Variants in ABCD2 observed in about 807,000 individuals in gnomAD.
ABCD2 encodes ATP-binding cassette sub-family D member 2.
ABCD2 carries 36 observed loss-of-function variants against 70.9 expected under a neutral mutation model. The ratio of observed to expected loss-of-function variants is 0.51; its 90% CI spans 0.39 to 0.67. The LOEUF is 0.67. Ranked by LOEUF, ABCD2 falls within the 30% of genes least tolerant of loss-of-function variation. The pLI is 0.00. For missense variants in ABCD2, 729 were observed against 890.2 expected (o/e 0.82, Z 2.30); for synonymous variants, 304 against 306.9 (o/e 0.99, Z 0.10).
At chr12:39,538,170 TC>T in the ABCD2 span, among the ~76,000 whole-genome samples, 216 of 148,250 alleles carry the variant, frequency 1.5e-3, 11 homozygotes, top group African/African-American at 4.5e-3. Flanking sequence ...TTTCTTTCTT[TC>T]TTTTTTTTTT....
At position 39,586,074 on chromosome 12, in the gene ABCD2, A is replaced by G. The variant is rs1232246286; in HGVS notation, c.1792+78T>C. ...CGATTATAGCATACATTCAAATTAAACCACAGACTAAATATATACCCAAGC... is the reference window on the plus strand; with the variant it reads ...CGATTATAGCATACATTCAAATTAAGCCACAGACTAAATATATACCCAAGC... On this transcript the variant is annotated intron_variant, in intron 7 of 9. Coordinates refer to ENST00000308666, the MANE Select transcript of ABCD2 (RefSeq NM_005164.4). The G allele has an allele frequency of 2.6e-5, 35 of 1,330,022 alleles. No homozygotes were observed. The South Asian group carries it at 5.4e-4, about 20-fold the overall frequency. 82.4% of individuals were successfully genotyped at this position (1,330,022 alleles called of 1,614,324 possible). A position where few individuals can be genotyped will look rare whatever the true frequency, so the allele number is the denominator to read the frequency against.
In ABCD2 at chr12:39,551,981, G is replaced by C. The variant is rs1324232445; in HGVS notation, c.*1931C>G. On this transcript the variant is annotated 3_prime_UTR_variant, in exon 10 of 10. Coordinates refer to ENST00000308666, the MANE Select transcript of ABCD2 (RefSeq NM_005164.4). ...TTTTGCCCTTGTAGCAGTATAAACTGGATAATCACTTATGTAGAAAAGATT... is the reference window on the plus strand; with the variant it reads ...TTTTGCCCTTGTAGCAGTATAAACTCGATAATCACTTATGTAGAAAAGATT... 6.6e-6 allele frequency: 1 copy of C among 151,540 alleles called. No homozygotes were observed. The highest frequency in any genetic ancestry group is 1.5e-5 in the Non-Finnish European group (1 of 67,698). 9.4% of individuals were successfully genotyped at this position (151,540 alleles called of 1,614,324 possible).
chr12:39,618,790 G>T lies in ABCD2; in HGVS notation c.826C>A (p.Pro276Thr). Residue 276 changes from proline to threonine, a missense_variant, in exon 1 of 10, where the codon CCC becomes ACC. By Grantham distance (38) the Pro-to-Thr change is conservative (BLOSUM62 -1). Transcript: ENST00000308666. ...TCTGCCACCAGTTTGCCAAATTTGG[G>T]AGAACAGGCTTTTAACACTTTAGCA... Reference protein sequence around the residue: ...ATAKVLKACSPKFGKLVAEEA... With the variant: ...ATAKVLKACSTKFGKLVAEEA... The T allele has an allele frequency of 1.2e-6, 2 of 1,614,196 alleles. No homozygotes were observed. The highest frequency in any genetic ancestry group is 1.7e-6 in the Non-Finnish European group (2 of 1,180,038).
At chr12:39,563,830 T>C (rs1941298439) in intron 9 of ABCD2, among the ~76,000 whole-genome samples, 2 of 152,162 alleles carry the variant, frequency 1.3e-5, no homozygotes, top group Non-Finnish European at 2.9e-5. Flanking sequence ...CCTGTGTCTA[T>C]GTATTCTCAT....
At chr12:39,569,795 C>G (rs577876502) in intron 9 of ABCD2, among the ~76,000 whole-genome samples, 11 of 152,216 alleles carry the variant, frequency 7.2e-5, no homozygotes, top group African/African-American at 2.2e-4. Context: ...TGTTCTTATC[C>G]TTCATTTTGT....
At chr12:39,604,982 T>C (rs1298098882) in intron 3 of ABCD2, 52 bp from the exon 4 acceptor site, 2 of 1,368,200 alleles carry the variant, frequency 1.5e-6, no homozygotes, top group African/African-American at 3.0e-5. Context: ...AAGACAATAT[T>C]TTAAATAAAT....
intron 8 of ABCD2, among the ~76,000 whole-genome samples, chr12:39,576,445 C>T (rs915665685): frequency 6.6e-6 from 1 of 152,080 alleles, no homozygotes; most frequent in African/African-American, 2.4e-5. Context: ...AGGCGTGATC[C>T]ACCGCGCCCG....
intron 9 of ABCD2, among the ~76,000 whole-genome samples, chr12:39,568,262 C>T (rs552148671): frequency 6.6e-6 from 1 of 152,218 alleles, no homozygotes; most frequent in African/African-American, 2.4e-5. Context: ...TTCAGGTACA[C>T]CAATCAGATG....
intron 9 of ABCD2, among the ~76,000 whole-genome samples, chr12:39,556,796 C>A (rs1941173092): frequency 6.6e-6 from 1 of 151,866 alleles, no homozygotes; most frequent in African/African-American, 2.4e-5. Context: ...ACCAGCCTGG[C>A]CAAGATGGTG....
intron 6 of ABCD2, among the ~76,000 whole-genome samples, chr12:39,590,358 C>G (rs957026338): frequency 6.6e-6 from 1 of 152,152 alleles, no homozygotes; most frequent in East Asian, 1.9e-4. Context: ...ACATAAGCAA[C>G]AAAAGAAATG....
At chr12:39,604,954 AAT>A in intron 3 of ABCD2, 24 bp from the exon 4 acceptor site, 1 of 1,534,522 alleles carries the variant, frequency 6.5e-7, no homozygotes, top group Non-Finnish European at 8.7e-7. Flanking sequence ...AGAGATATAA[AAT>A]AGAGTTACTA....
chr12:39,573,556 A>G (rs1435576165), intron 9 of ABCD2, among the ~76,000 whole-genome samples, 160 bp downstream of exon 9: 1 of 152,196 alleles, frequency 6.6e-6, no homozygotes, highest in Non-Finnish European at 1.5e-5. Context: ...TAATGATATT[A>G]GGTAGGGAGT....
intron 6 of ABCD2, among the ~76,000 whole-genome samples, chr12:39,599,787 C>T (rs2120703928): frequency 6.6e-6 from 1 of 152,332 alleles, no homozygotes; most frequent in South Asian, 2.1e-4. Context: ...TTGTACTATA[C>T]TTCCAGCCTA....
chr12:39,554,261 G>A, intron 9 of ABCD2, 130 bp from the exon 10 acceptor site: 1 of 838,612 alleles, frequency 1.2e-6, no homozygotes, highest in South Asian at 2.0e-5. Context: ...TGAGTTTTAA[G>A]GACATATCAA....
intron 7 of ABCD2, among the ~76,000 whole-genome samples, chr12:39,583,620 G>A (rs1241101275): frequency 6.6e-6 from 1 of 152,042 alleles, no homozygotes; most frequent in African/African-American, 2.4e-5. Flanking sequence ...CATCATCCAG[G>A]TATTAAGCCC....
chr12:39,618,613 CT>C, intron 1 of ABCD2, 63 bp downstream of exon 1: 1 of 1,449,150 alleles, frequency 6.9e-7, no homozygotes. Context: ...CAGATGGTAT[CT>C]GGCACTGCAG....
At chr12:39,565,135 C>CTTTA (rs1282766453) in intron 9 of ABCD2, among the ~76,000 whole-genome samples, 1 of 152,036 alleles carries the variant, frequency 6.6e-6, no homozygotes, top group East Asian at 1.9e-4. Context: ...TCCATATGAA[C>CTTTA]TTTAAAGTAG....
At chr12:39,561,758 C>T (rs958785064) in intron 9 of ABCD2, among the ~76,000 whole-genome samples, 2 of 152,016 alleles carry the variant, frequency 1.3e-5, no homozygotes, top group African/African-American at 2.4e-5. Flanking sequence ...GACTTCAACA[C>T]CCTACTTTCA....
chr12:39,547,569 G>A (rs949304969), downstream of ABCD2, among the ~76,000 whole-genome samples: 1 of 152,022 alleles, frequency 6.6e-6, no homozygotes, highest in African/African-American at 2.4e-5. Context: ...TCACAAAAAA[G>A]CAAATACTGT....
Sources: allele counts gnomAD v4.1 joint callset (sites outside exome capture counted in the v4.1 genomes callset), GRCh38; gene constraint gnomAD v4.1.1; transcripts MANE v1.5; gene names NCBI Gene and HGNC (gene_info 2026-07-23, HGNC 2026-07-21).